Variants in CLVS1 observed in about 807,000 individuals in gnomAD.
The protein encoded by CLVS1 is clavesin-1.
Under a neutral mutation model 33.1 loss-of-function variants are expected in CLVS1, and 10 were observed. The ratio of observed to expected loss-of-function variants is 0.30; its 90% CI spans 0.19 to 0.51. The LOEUF (loss-of-function observed/expected upper bound fraction) is 0.51. Among genes scored for constraint, CLVS1 ranks in the 20% least tolerant of loss-of-function variants. CLVS1 has a pLI of 0.97. For missense variants in CLVS1, 343 were observed against 433.4 expected, an observed-to-expected ratio of 0.79 and a Z score of 1.85; for synonymous variants, 163 against 166.1, an observed-to-expected ratio of 0.98 and a Z score of 0.14.
At chr8:60,988,361 G>C in the CLVS1 span, among the ~76,000 whole-genome samples, 2 of 152,052 alleles carry the variant, frequency 1.3e-5, no homozygotes, top group Non-Finnish European at 1.5e-5. Flanking sequence ...CCAGATACTG[G>C]TGCCTGGGAC....
intron 5 of CLVS1, among the ~76,000 whole-genome samples, chr8:61,488,304 G>A (rs1803951072): frequency 6.6e-6 from 1 of 152,116 alleles, no homozygotes; most frequent in African/African-American, 2.4e-5. Context: ...GCTGATACCT[G>A]GGGTTCCTGT....
chr8:61,347,662 A>G (rs1413194769), intron 2 of CLVS1, among the ~76,000 whole-genome samples: 4 of 98,128 alleles, frequency 4.1e-5, no homozygotes, highest in African/African-American at 1.4e-4. Context: ...ATATATATAT[A>G]TATATATATA....
At chr8:61,225,106 C>T (rs920327987) in intron 2 of CLVS1, among the ~76,000 whole-genome samples, 1 of 152,206 alleles carries the variant, frequency 6.6e-6, no homozygotes, top group East Asian at 1.9e-4. Context: ...CGCTTGAGTT[C>T]AGGAGTTTGA....
chr8:61,018,070 G>T, the CLVS1 span, among the ~76,000 whole-genome samples: 1 of 152,234 alleles, frequency 6.6e-6, no homozygotes, highest in Non-Finnish European at 1.5e-5. Context: ...GTTATTGACT[G>T]TGAGTCAGGC....
chr8:61,275,540 A>G (rs1489971166), intron 2 of CLVS1, among the ~76,000 whole-genome samples: 1 of 152,198 alleles, frequency 6.6e-6, no homozygotes, highest in Non-Finnish European at 1.5e-5. Context: ...ATAACACTTC[A>G]TATATTTGTG....
the CLVS1 span, among the ~76,000 whole-genome samples, chr8:61,029,471 C>A: frequency 2.1e-4 from 32 of 152,248 alleles, no homozygotes; most frequent in Admixed American, 1.5e-3. Flanking sequence ...GAGAATCAGG[C>A]CTTCCTTTTC....
intron 5 of CLVS1, among the ~76,000 whole-genome samples, chr8:61,473,060 G>A (rs1817785365): frequency 6.6e-6 from 1 of 152,150 alleles, no homozygotes; most frequent in Non-Finnish European, 1.5e-5. Flanking sequence ...GGATACAGGT[G>A]TGTAACGAGG....
intron 2 of CLVS1, among the ~76,000 whole-genome samples, chr8:61,152,766 C>A (rs931688359): frequency 1.3e-5 from 2 of 152,166 alleles, no homozygotes; most frequent in Non-Finnish European, 2.9e-5. Flanking sequence ...CAATCCCCAG[C>A]ATCTCCTAAA....
chr8:61,202,941 T>G, intron 2 of CLVS1: 1 of 1,426,882 alleles, frequency 7.0e-7, no homozygotes, highest in Non-Finnish European at 9.8e-7. Context: ...TACAAGATAC[T>G]CCAGCCAAAA....
At chr8:61,119,283 G>A (rs1805806859) in intron 1 of CLVS1, among the ~76,000 whole-genome samples, 1 of 151,796 alleles carries the variant, frequency 6.6e-6, no homozygotes. Context: ...CGTGAGATGG[G>A]TTTCCTGAAT....
At chr8:61,091,406 A>G (rs1225650617) in intron 1 of CLVS1, among the ~76,000 whole-genome samples, 1 of 152,208 alleles carries the variant, frequency 6.6e-6, no homozygotes, top group Non-Finnish European at 1.5e-5. Flanking sequence ...GTTTGTGGGA[A>G]TTTGTCATAG....
chr8:61,458,561 G>GA lies in CLVS1; in HGVS notation c.977+20dup. 1.3e-6 allele frequency: 2 copies of GA among 1,490,702 alleles called. No homozygotes were observed. Among genetic ancestry groups the GA allele is most frequent in the South Asian group, 1.3e-5 (1 of 79,350 alleles). The allele number at this position is 1,490,702 out of a possible 1,614,324, so 92.3% of individuals were successfully genotyped here. ...TGAAAAGGTAAGGCCTGGGTTATCAGAGCCCCCCCCCCAGTCAGAGGTCAA... is the reference window on the plus strand; with the variant it reads ...TGAAAAGGTAAGGCCTGGGTTATCAGAAGCCCCCCCCCCAGTCAGAGGTCAA... On this transcript the variant is annotated intron_variant, in intron 5 of 5. Transcript: ENST00000325897.
intron 3 of CLVS1, among the ~76,000 whole-genome samples, chr8:61,379,277 T>TCATCC (rs1813770487): frequency 6.6e-6 from 1 of 152,076 alleles, no homozygotes; most frequent in East Asian, 1.9e-4. Context: ...GCCATCTGGT[T>TCATCC]TGGGATTTCA....
chr8:61,270,004 T>C (rs1405384326), intron 2 of CLVS1, among the ~76,000 whole-genome samples: 1 of 150,370 alleles, frequency 6.7e-6, no homozygotes, highest in African/African-American at 2.4e-5. Context: ...ATACCCTTTA[T>C]TTCCTTCTCC....
At chr8:61,243,246 A>T (rs1477804324) in intron 2 of CLVS1, among the ~76,000 whole-genome samples, 1 of 152,228 alleles carries the variant, frequency 6.6e-6, no homozygotes, top group Non-Finnish European at 1.5e-5. Flanking sequence ...ATTTAACATG[A>T]TGTTATAAGA....
At chr8:61,218,950 A>G (rs1284666729) in intron 2 of CLVS1, among the ~76,000 whole-genome samples, 1 of 152,074 alleles carries the variant, frequency 6.6e-6, no homozygotes, top group Admixed American at 6.6e-5. Context: ...GTCTCAAATA[A>G]AACAAAACAA....
intron 2 of CLVS1, among the ~76,000 whole-genome samples, chr8:61,145,206 C>G (rs1806391392): frequency 6.6e-6 from 1 of 152,192 alleles, no homozygotes; most frequent in Non-Finnish European, 1.5e-5. Context: ...ATGTATCCAT[C>G]TGACAAAGGG....
At chr8:61,114,944 G>A (rs1805690852) in intron 1 of CLVS1, among the ~76,000 whole-genome samples, 1 of 152,194 alleles carries the variant, frequency 6.6e-6, no homozygotes, top group Admixed American at 6.5e-5. Flanking sequence ...AGCTCTTGAA[G>A]CTCTGAGAAG....
chr8:61,025,633 C>T, the CLVS1 span, among the ~76,000 whole-genome samples: 1 of 152,144 alleles, frequency 6.6e-6, no homozygotes, highest in East Asian at 1.9e-4. Context: ...AATATCCTGG[C>T]CTTGTTGTTC....
Sources: gnomAD v4.1 joint callset for allele counts (sites outside exome capture counted in the v4.1 genomes callset) on GRCh38, gnomAD v4.1.1 for gene constraint, MANE v1.5 for transcripts, NCBI Gene and HGNC (gene_info 2026-07-23, HGNC 2026-07-21) for gene names.